TBR1: variants seen among roughly 807,000 people sequenced by gnomAD.
TBR1 encodes the protein T-box brain protein 1.
A neutral mutation model predicts 60.3 loss-of-function variants in TBR1; 7 were observed. The ratio of observed to expected loss-of-function variants is 0.12; its 90% CI spans 0.07 to 0.22. The LOEUF (loss-of-function observed/expected upper bound fraction) is 0.22, where lower values mean the gene tolerates loss of function less well. TBR1 is among the 10% of genes least tolerant of loss of function. TBR1 has a pLI of 1.00. For missense variants in TBR1, 616 were observed against 936.8 expected, an observed-to-expected ratio of 0.66 and a Z score of 4.47; for synonymous variants, 417 against 409.9, an observed-to-expected ratio of 1.02 and a Z score of -0.21.
In TBR1 at chr2:161,418,088, G is replaced by C. The variant is rs1016371139; in HGVS notation, c.848-113G>C. The C allele has an allele frequency of 8.3e-6, 12 of 1,443,392 alleles. No homozygotes were observed. In the African/African-American group the frequency reaches 2.0e-4, roughly 24 times the overall value. 89.4% of individuals were successfully genotyped at this position (1,443,392 alleles called of 1,614,324 possible). On this transcript the variant is annotated intron_variant, in intron 2 of 5. Coordinates refer to ENST00000389554, the MANE Select transcript of TBR1 (RefSeq NM_006593.4). ...TTAATGGGCTTCATGGTGGAGTAAG[G>C]TGTGTGTATGTGTGTGTGTGTGTGT...
chr2:161,423,517 C>G lies in TBR1; in HGVS notation c.1339C>G (p.Pro447Ala), dbSNP rs769851599. Residue 447 changes from proline to alanine, a missense_variant, in exon 6 of 6, where the codon CCG (proline) becomes GCG (alanine). By Grantham distance (27) the Pro-to-Ala change is conservative. Around this residue, in one of 8 missense-constraint regions of TBR1, gnomAD observed 80 missense variants for 75.3 expected, o/e 1.06. Coordinates refer to ENST00000389554, the MANE Select transcript of TBR1 (RefSeq NM_006593.4). ...CAACTACGCCAAGGCCCGCTTCCAC[C>G]CGGGCGCGGGCGCGGGCCCCGGGCC... ...VSNYAKARFH[P>A]GAGAGPGPGT... 8 of 1,585,478 alleles carry G rather than the reference C, an allele frequency of 5.0e-6. No homozygotes were observed. The South Asian group carries it at 9.1e-5, about 18-fold the overall frequency.
intron 5 of TBR1, chr2:161,422,781 G>T (rs1032295836): frequency 6.6e-6 from 1 of 152,206 alleles, no homozygotes; most frequent in Non-Finnish European, 1.5e-5. Context: ...CCAGAACACG[G>T]GTGAAGGCCA....
chr2:161,417,185 G>T lies in TBR1; in HGVS notation c.692+83G>T. Reference sequence around the variant, plus strand: ...AGGCTGTGACTGCCGCGGCAGCGACGATTTGGGGTCGGGAGCGGAGTGGAA... The same window carrying T: ...AGGCTGTGACTGCCGCGGCAGCGACTATTTGGGGTCGGGAGCGGAGTGGAA... On this transcript the variant is annotated intron_variant, in intron 1 of 5. Transcript: ENST00000389554. This position sits in a 1 kb window ranked among gnomAD's most constrained non-coding sequence, Gnocchi z 5.3. 1 of 1,424,936 alleles carries T rather than the reference G, an allele frequency of 7.0e-7. No individual in the cohort carries two copies. Among genetic ancestry groups the T allele is most frequent in the South Asian group, 1.4e-5 (1 of 71,162 alleles). 88.3% of individuals were successfully genotyped at this position (1,424,936 alleles called of 1,614,324 possible).
Position 161,424,432 on chromosome 2 carries a change from G to A in TBR1, c.*205G>A. 2 of 588,054 alleles carry A rather than the reference G, an allele frequency of 3.4e-6. No individual in the cohort carries two copies. The highest frequency in any genetic ancestry group is 4.9e-5 in the South Asian group (2 of 41,160). 36.4% of individuals were successfully genotyped at this position (588,054 alleles called of 1,614,324 possible). On this transcript the variant is annotated 3_prime_UTR_variant, in exon 6 of 6. Transcript: ENST00000389554. This position sits in a 1 kb window ranked among gnomAD's most constrained non-coding sequence, Gnocchi z 4.4. ...CAGCAGTCTCTGCAATTAGCTCACCGACCTTCAACTTTGCTGTAAACCTTT... is the reference window on the plus strand; with the variant it reads ...CAGCAGTCTCTGCAATTAGCTCACCAACCTTCAACTTTGCTGTAAACCTTT...
intron 4 of TBR1, 31 bp downstream of exon 4, chr2:161,419,081 G>A (rs761528871): frequency 2.5e-6 from 4 of 1,613,178 alleles, no homozygotes; most frequent in Non-Finnish European, 3.4e-6. Flanking sequence ...GGGGCGAGGC[G>A]GGCGGCACAG....
Position 161,417,902 on chromosome 2 carries a change from AC to A in TBR1, c.847+73del. On this transcript the variant is annotated intron_variant, in intron 2 of 5. Transcript: ENST00000389554. The surrounding 1 kb of genome is among the most constrained non-coding windows in gnomAD (Gnocchi z 5.3). ...GAATGATTAATTAAAGCCTTTGTGGACTGGCTCGAGCGACTTTTAAAACGAT... is the reference window on the plus strand; with the variant it reads ...GAATGATTAATTAAAGCCTTTGTGGATGGCTCGAGCGACTTTTAAAACGAT... 6.5e-7 allele frequency: 1 copy of A among 1,549,604 alleles called. No homozygotes were observed. Among genetic ancestry groups the A allele is most frequent in the Non-Finnish European group, 8.7e-7 (1 of 1,146,362 alleles).
chr2:161,418,848 C>T (rs745837790), intron 3 of TBR1, 44 bp from the exon 4 acceptor site: 1 of 1,593,434 alleles, frequency 6.3e-7, no homozygotes, highest in Non-Finnish European at 8.6e-7. Context: ...ACAGCGACCG[C>T]GTTAACACGC....
Position 161,417,158 on chromosome 2 carries a change from C to A in TBR1, c.692+56C>A. 6.6e-7 allele frequency: 1 copy of A among 1,504,308 alleles called. No individual in the cohort carries two copies. Among genetic ancestry groups the A allele is most frequent in the South Asian group, 1.3e-5 (1 of 75,056 alleles). The allele number at this position is 1,504,308 out of a possible 1,614,324, so 93.2% of individuals were successfully genotyped here. A position where few individuals can be genotyped will look rare whatever the true frequency, so the allele number is the denominator to read the frequency against. ...TAGGCGCAGCCGGGGACAAGTGCAC[C>A]TAGGCTGTGACTGCCGCGGCAGCGA... On this transcript the variant is annotated intron_variant, in intron 1 of 5. Coordinates refer to ENST00000389554, the MANE Select transcript of TBR1 (RefSeq NM_006593.4). This position sits in a 1 kb window ranked among gnomAD's most constrained non-coding sequence, Gnocchi z 5.3.
At position 161,420,177 on chromosome 2, in the gene TBR1, C is replaced by T. The variant is rs1164806289; in HGVS notation, c.1129-19C>T. The T allele has an allele frequency of 6.2e-7, 1 of 1,607,492 alleles. No homozygotes were observed. The highest frequency in any genetic ancestry group is 8.5e-7 in the Non-Finnish European group (1 of 1,175,140). On this transcript the variant is annotated intron_variant, in intron 4 of 5. Coordinates refer to ENST00000389554, the MANE Select transcript of TBR1 (RefSeq NM_006593.4). ...CACGTATAAAAGGTGAGATAACATT[C>T]ATTTTTTTTCTTTGCCAGATTACAC...
chr2:161,424,460 GT>G lies in TBR1; in HGVS notation c.*237del. 1 of 520,222 alleles carries G rather than the reference GT, an allele frequency of 1.9e-6. No individual in the cohort carries two copies. The highest frequency in any genetic ancestry group is 3.4e-6 in the Non-Finnish European group (1 of 295,470). The allele number at this position is 520,222 out of a possible 1,614,324, so 32.2% of individuals were successfully genotyped here. A position where few individuals can be genotyped will look rare whatever the true frequency, so the allele number is the denominator to read the frequency against. ...CTTCAACTTTGCTGTAAACCTTTTG[GT>G]TTTCCTACTTACTCTTCTTCTGTGG... On this transcript the variant is annotated 3_prime_UTR_variant, in exon 6 of 6. Coordinates refer to ENST00000389554, the MANE Select transcript of TBR1 (RefSeq NM_006593.4). The surrounding 1 kb of genome is among the most constrained non-coding windows in gnomAD (Gnocchi z 4.4).
In TBR1 at chr2:161,417,748, T is replaced by A; in HGVS notation, c.765T>A (p.Asp255Glu). The change falls in exon 2 of 6, where the codon GAT becomes GAA. Residue 255 changes from aspartate (D) to glutamate (E), a missense_variant. Asp to Glu is a conservative substitution (Grantham distance 45). Transcript: ENST00000389554. This position sits in a 1 kb window ranked among gnomAD's most constrained non-coding sequence, Gnocchi z 5.3. ...CGGCTCATTACAATATTTTTGTGGA[T>A]GTGATTTTGGCGGATCCCAATCACT... ...DPTAHYNIFV[D>E]VILADPNHWR... The A allele has an allele frequency of 6.2e-7, 1 of 1,614,224 alleles. No individual in the cohort carries two copies. The highest frequency in any genetic ancestry group is 8.5e-7 in the Non-Finnish European group (1 of 1,180,042).
Position 161,423,425 on chromosome 2 carries a change from G to T in TBR1, c.1247G>T (p.Arg416Leu). The change falls in exon 6 of 6, where the codon CGC becomes CTC. Residue 416 changes from arginine to leucine, a missense_variant. By Grantham distance (102) the Arg-to-Leu change is moderately radical (BLOSUM62 -2). Coordinates refer to ENST00000389554, the MANE Select transcript of TBR1 (RefSeq NM_006593.4). Reference protein sequence around the residue: ...RLTPSPNDSPRSQIVPGARYA... With the variant: ...RLTPSPNDSPLSQIVPGARYA... ...ACCCCCTCGCCCAACGACTCGCCGC[G>T]CTCGCAGATCGTGCCCGGGGCCCGC... 1 of 1,598,196 alleles carries T rather than the reference G, an allele frequency of 6.3e-7. No homozygotes were observed. Among genetic ancestry groups the T allele is most frequent in the African/African-American group, 1.4e-5 (1 of 73,850 alleles).
chr2:161,421,739 C>T (rs937723015), intron 5 of TBR1: 3 of 152,178 alleles, frequency 2.0e-5, no homozygotes, highest in Non-Finnish European at 4.4e-5. Flanking sequence ...ATGTTCCCTT[C>T]CTGCCTCCCT....
Position 161,416,397 on chromosome 2 carries a change from C to A in TBR1, c.-14C>A. The A allele has an allele frequency of 6.5e-7, 1 of 1,547,430 alleles. No individual in the cohort carries two copies. The highest frequency in any genetic ancestry group is 1.3e-5 in the South Asian group (1 of 78,444). ...AACCAGGGACGGGAGGGCGAGTGTT[C>A]AGGTTCTAGAGCTATGCAGCTGGAG... On this transcript the variant is annotated 5_prime_UTR_variant, in exon 1 of 6. Transcript: ENST00000389554. This position sits in a 1 kb window ranked among gnomAD's most constrained non-coding sequence, Gnocchi z 6.1.
At chr2:161,418,732 A>AGCCAGCC in intron 3 of TBR1, 160 bp from the exon 4 acceptor site, 1 of 1,025,294 alleles carries the variant, frequency 9.8e-7, no homozygotes, top group South Asian at 1.8e-5. Flanking sequence ...TGCCCCAGCC[A>AGCCAGCC]GCCAGCCGCC....
Position 161,423,993 on chromosome 2 carries a change from G to A in TBR1, c.1815G>A (p.Lys605=), listed in dbSNP as rs1460349366. The A allele has an allele frequency of 1.9e-6, 3 of 1,562,630 alleles. No individual in the cohort carries two copies. The highest frequency in any genetic ancestry group is 2.4e-5 in the East Asian group (1 of 41,656). The change falls in exon 6 of 6, where the codon AAG becomes AAA. Residue 605 remains lysine, a synonymous_variant. Transcript: ENST00000389554. ...CGCCCGGCGCCGCCGAGGACGCCAA[G>A]CCCAAGGACCTGTCCGATTCCAGCT... ...PLPPGAAEDA[K]PKDLSDSSWI... is the part of the protein sequence containing the mutation.
chr2:161,418,351 C>G, intron 3 of TBR1, 29 bp downstream of exon 3: 1 of 1,606,398 alleles, frequency 6.2e-7, no homozygotes, highest in Non-Finnish European at 8.5e-7. Context: ...CGTGTTTTCT[C>G]TCTCTCTCAC....
chr2:161,422,571 GCGGGTAA>G (rs1279893466), intron 5 of TBR1: 1 of 152,224 alleles, frequency 6.6e-6, no homozygotes, highest in Non-Finnish European at 1.5e-5. Flanking sequence ...CGAAGTTTCT[GCGGGTAA>G]CGGACCAAAA....
chr2:161,417,124 C>T lies in TBR1; in HGVS notation c.692+22C>T. 1 of 1,557,582 alleles carries T rather than the reference C, an allele frequency of 6.4e-7. No homozygotes were observed. Among genetic ancestry groups the T allele is most frequent in the East Asian group, 2.3e-5 (1 of 44,370 alleles). On this transcript the variant is annotated intron_variant, in intron 1 of 5. Coordinates refer to ENST00000389554, the MANE Select transcript of TBR1 (RefSeq NM_006593.4). This position sits in a 1 kb window ranked among gnomAD's most constrained non-coding sequence, Gnocchi z 5.3. Reference sequence around the variant, plus strand: ...GAAGGTAATACTACATTTTTGGCTGCCGCTGCTCTAGGCGCAGCCGGGGAC... The same window carrying T: ...GAAGGTAATACTACATTTTTGGCTGTCGCTGCTCTAGGCGCAGCCGGGGAC...
Sources: allele counts gnomAD v4.1 joint callset, GRCh38; gene constraint gnomAD v4.1.1; regional missense constraint gnomAD v4.1.1; non-coding constraint Gnocchi (gnomAD v3.1); transcripts MANE v1.5; gene names NCBI Gene and HGNC (gene_info 2026-07-23, HGNC 2026-07-21).